Variants in TENM4 observed in about 807,000 individuals in gnomAD.
The protein encoded by TENM4 is teneurin transmembrane protein 4.
In TENM4, 82 loss-of-function variants were observed where a neutral mutation model predicts 243.3. That is an observed-to-expected ratio of 0.34 (90% confidence interval 0.28 to 0.40). TENM4 has a LOEUF of 0.40. Among genes scored for constraint, TENM4 ranks in the 10% least tolerant of loss-of-function variants. TENM4 has a pLI of 1.00. For synonymous variants in TENM4, 1,412 were observed against 1,456.3 expected (o/e 0.97, Z 0.69); for missense variants, 3,138 against 3,673.3 (o/e 0.85, Z 3.77).
At chr11:78,853,583 C>T (rs188227644) in intron 12 of TENM4, among the ~76,000 whole-genome samples, 8 of 152,284 alleles carry the variant, frequency 5.3e-5, no homozygotes, top group African/African-American at 1.9e-4. Flanking sequence ...TCAACAAAAC[C>T]CCAGTCTGAC....
intron 6 of TENM4, among the ~76,000 whole-genome samples, chr11:79,031,291 T>C (rs554501670): frequency 6.6e-6 from 1 of 152,212 alleles, no homozygotes; most frequent in East Asian, 1.9e-4. Context: ...AGATACCCAA[T>C]TTTCAGGACA....
At chr11:78,829,641 C>A (rs968446459) in intron 12 of TENM4, among the ~76,000 whole-genome samples, 3 of 152,140 alleles carry the variant, frequency 2.0e-5, no homozygotes, top group Non-Finnish European at 4.4e-5. Flanking sequence ...TTCTACTTTG[C>A]TATCTCCTTT....
At chr11:79,405,827 C>A in intron 1 of TENM4, among the ~76,000 whole-genome samples, 1 of 135,470 alleles carries the variant, frequency 7.4e-6, no homozygotes, top group African/African-American at 2.8e-5. Context: ...CATCTAATTT[C>A]TCTGAATGCA....
chr11:78,779,324 T>C (rs1237461112), intron 16 of TENM4, among the ~76,000 whole-genome samples: 2 of 152,250 alleles, frequency 1.3e-5, no homozygotes, highest in Non-Finnish European at 2.9e-5. Context: ...TCAATGGATG[T>C]CACTGTGAAA....
intron 3 of TENM4, among the ~76,000 whole-genome samples, chr11:79,191,374 C>T (rs201998517): frequency 0.083 from 11,845 of 143,410 alleles, 902 homozygotes; most frequent in East Asian, 0.4. Context: ...AGTGATCCGC[C>T]AGCCTCGGCC....
intron 14 of TENM4, among the ~76,000 whole-genome samples, chr11:78,806,171 C>T (rs612339): frequency 0.74 from 111,749 of 152,004 alleles, 41,896 homozygotes; most frequent in Middle Eastern, 0.81. Flanking sequence ...TGGTGGCACA[C>T]GCCTGTAGTC....
At chr11:79,122,485 T>C (rs1443273398) in intron 4 of TENM4, among the ~76,000 whole-genome samples, 2 of 152,152 alleles carry the variant, frequency 1.3e-5, no homozygotes, top group African/African-American at 4.8e-5. Context: ...AGATGAGAGA[T>C]GTCCGCTGGG....
chr11:79,417,514 C>T (rs949273917), intron 1 of TENM4, among the ~76,000 whole-genome samples: 24 of 152,036 alleles, frequency 1.6e-4, no homozygotes, highest in African/African-American at 5.8e-4. Context: ...GAGAGCTGTA[C>T]CTGAGTAGAA....
Position 78,872,289 on chromosome 11 carries a change from G to A in TENM4, c.1085-9157C>T, listed in dbSNP as rs79986894. ...ATCAACAGGGCAAGCATTCTAGGAA[G>A]CGGCTCCACACAGAAGGGGTGCTTA... On this transcript the variant is annotated intron_variant, in intron 9 of 33. Coordinates refer to ENST00000278550, the MANE Select transcript of TENM4 (RefSeq NM_001098816.3). Among the ~76,000 whole-genome samples, 1,292 of 152,316 alleles carry A rather than the reference G, an allele frequency of 8.5e-3. 14 individuals are homozygous for A. The highest frequency in any genetic ancestry group is 0.03 in the African/African-American group (1,236 of 41,572).
At chr11:78,950,287 C>T (rs752546301) in intron 6 of TENM4, among the ~76,000 whole-genome samples, 6 of 152,204 alleles carry the variant, frequency 3.9e-5, no homozygotes, top group Non-Finnish European at 4.4e-5. Context: ...TGCAACTCAG[C>T]GGTTTCCATT....
intron 12 of TENM4, among the ~76,000 whole-genome samples, chr11:78,841,152 T>C (rs1011743131): frequency 1.3e-5 from 2 of 152,154 alleles, no homozygotes; most frequent in African/African-American, 4.8e-5. Flanking sequence ...CATAATTACC[T>C]TCATGAGTTG....
At chr11:79,276,158 A>G (rs1423771854) in intron 2 of TENM4, among the ~76,000 whole-genome samples, 1 of 152,210 alleles carries the variant, frequency 6.6e-6, no homozygotes, top group African/African-American at 2.4e-5. Context: ...TATACTACCT[A>G]GGAGACTGGA....
chr11:79,026,964 G>C (rs910777843), intron 6 of TENM4, among the ~76,000 whole-genome samples: 12 of 152,064 alleles, frequency 7.9e-5, no homozygotes, highest in African/African-American at 2.9e-4. Context: ...TAAGTGAGTG[G>C]GCTAGGGAGG....
chr11:78,704,076 A>T (rs28639555), intron 27 of TENM4, among the ~76,000 whole-genome samples: 9 of 138,964 alleles, frequency 6.5e-5, no homozygotes, highest in Non-Finnish European at 1.6e-5. Context: ...TATATATATA[A>T]ATATATACAT....
At chr11:78,753,956 A>G (rs1856248348) in intron 19 of TENM4, among the ~76,000 whole-genome samples, 1 of 152,180 alleles carries the variant, frequency 6.6e-6, no homozygotes, top group South Asian at 2.1e-4. Flanking sequence ...AGGTGATTTA[A>G]CTTCTCTGGA....
intron 3 of TENM4, among the ~76,000 whole-genome samples, chr11:79,155,353 CTCTT>C (rs997482624): frequency 2.0e-5 from 3 of 151,240 alleles, no homozygotes; most frequent in Non-Finnish European, 4.4e-5. Context: ...GTCTCTCTCT[CTCTT>C]TTTTTTTTTT....
At chr11:79,013,336 C>T (rs1245151150) in intron 6 of TENM4, among the ~76,000 whole-genome samples, 2 of 152,200 alleles carry the variant, frequency 1.3e-5, no homozygotes, top group Non-Finnish European at 2.9e-5. Context: ...CTCCAATTTG[C>T]CCCCTCTGGG....
chr11:79,344,937 C>T (rs1009175184), intron 1 of TENM4, among the ~76,000 whole-genome samples: 7 of 152,184 alleles, frequency 4.6e-5, no homozygotes, highest in African/African-American at 9.7e-5. Flanking sequence ...CAGTAGAAAT[C>T]GCTGCCATCC....
At chr11:79,297,692 A>C (rs1856478536) in intron 1 of TENM4, 149 bp from the exon 2 acceptor site, 1 of 152,332 alleles carries the variant, frequency 6.6e-6, no homozygotes, top group Non-Finnish European at 1.5e-5. Context: ...CAAAATAACT[A>C]AAAAATGAAG....
Sources: gnomAD v4.1 joint callset for allele counts (sites outside exome capture counted in the v4.1 genomes callset) on GRCh38, gnomAD v4.1.1 for gene constraint, MANE v1.5 for transcripts, NCBI Gene and HGNC (gene_info 2026-07-23, HGNC 2026-07-21) for gene names.